Variants in PAK5 observed in about 807,000 individuals in gnomAD.
PAK5 encodes serine/threonine-protein kinase PAK 5.
A neutral mutation model predicts 65.9 loss-of-function variants in PAK5; 16 were observed. The ratio of observed to expected loss-of-function variants is 0.24; its 90% CI spans 0.16 to 0.37. PAK5 has a LOEUF of 0.37. PAK5 is among the 10% of genes least tolerant of loss of function. The pLI is 1.00. For synonymous variants in PAK5, 371 were observed against 354.9 expected, an observed-to-expected ratio of 1.05 and a Z score of -0.51; for missense variants, 785 against 903.9, an observed-to-expected ratio of 0.87 and a Z score of 1.69.
At chr20:9,792,010 AT>A (rs1219202507) in intron 1 of PAK5, among the ~76,000 whole-genome samples, 2 of 152,102 alleles carry the variant, frequency 1.3e-5, no homozygotes, top group African/African-American at 2.4e-5. Flanking sequence ...TGATCTGAGA[AT>A]TTCTGCCATA....
chr20:9,833,873 C>G (rs536217641), intron 1 of PAK5, among the ~76,000 whole-genome samples: 1 of 152,032 alleles, frequency 6.6e-6, no homozygotes, highest in Non-Finnish European at 1.5e-5. Flanking sequence ...TTATTATTCA[C>G]GAGTATTTTA....
chr20:9,697,874 T>C (rs941869071), intron 2 of PAK5, among the ~76,000 whole-genome samples: 11 of 152,088 alleles, frequency 7.2e-5, no homozygotes, highest in Non-Finnish European at 7.4e-5. Context: ...CAGTCTTGGT[T>C]TGGACAATAC....
rs1374032806 is a variant in PAK5, at chr20:9,838,050, T to C, written c.-162+712A>G. ...TGATGATCCCTGGACTTCTCAAGTTTACCCTCTAGGAGGCTGACATGGCAC... is the reference window on the plus strand; with the variant it reads ...TGATGATCCCTGGACTTCTCAAGTTCACCCTCTAGGAGGCTGACATGGCAC... On this transcript the variant is annotated intron_variant, in intron 1 of 9. Transcript: ENST00000353224. The surrounding 1 kb of genome is among the most constrained non-coding windows in gnomAD (Gnocchi z 4.5). Among the ~76,000 whole-genome samples the C allele has an allele frequency of 6.6e-6, 1 of 152,076 alleles. No individual in the cohort carries two copies. The highest frequency in any genetic ancestry group is 1.5e-5 in the Non-Finnish European group (1 of 67,996).
chr20:9,650,755 G>A (rs908978861), intron 2 of PAK5, among the ~76,000 whole-genome samples: 5 of 152,046 alleles, frequency 3.3e-5, no homozygotes, highest in East Asian at 1.9e-4. Flanking sequence ...ATACTTGTGG[G>A]GCTTATGGTC....
chr20:9,658,241 C>T (rs1021820465), intron 2 of PAK5, among the ~76,000 whole-genome samples: 1 of 152,198 alleles, frequency 6.6e-6, no homozygotes, highest in Non-Finnish European at 1.5e-5. Context: ...GCCCCAAATA[C>T]TGTGGGCTGA....
At position 9,650,719 on chromosome 20, in the gene PAK5, C is replaced by T. The variant is rs544358172; in HGVS notation, c.-11-6380G>A. 4.3e-4 allele frequency among the ~76,000 whole-genome samples: 65 copies of T among 152,132 alleles called. 1 individual carries two copies. The highest frequency in any genetic ancestry group is 5.6e-4 in the Non-Finnish European group (38 of 68,018). ...CTTCTGGAGTGCACCTTCTGCTTCCCGCCAGGACTCTAACTGGCATGTAGC... is the reference window on the plus strand; with the variant it reads ...CTTCTGGAGTGCACCTTCTGCTTCCTGCCAGGACTCTAACTGGCATGTAGC... On this transcript the variant is annotated intron_variant, in intron 2 of 9. Transcript: ENST00000353224.
chr20:9,735,712 T>G (rs1038114364), intron 1 of PAK5, among the ~76,000 whole-genome samples: 1 of 151,810 alleles, frequency 6.6e-6, no homozygotes, highest in Admixed American at 6.6e-5. Context: ...CTCAAGAATA[T>G]TGATAGGACT....
chr20:9,832,385 G>C (rs1458081502), intron 1 of PAK5, among the ~76,000 whole-genome samples: 1 of 151,946 alleles, frequency 6.6e-6, no homozygotes, highest in Non-Finnish European at 1.5e-5. Flanking sequence ...TGATTCTCTT[G>C]CCTCAGCCTC....
At position 9,831,206 on chromosome 20, in the gene PAK5, G is replaced by GGT. The variant is rs903670859; in HGVS notation, c.-162+7554_-162+7555dup. On this transcript the variant is annotated intron_variant, in intron 1 of 9. Transcript: ENST00000353224. ...CATCTGCTTCCAAGCTGTTTTGGGG[G>GGT]GTGTGTGTGTGTGTGCGCGCGTGCG... Among the ~76,000 whole-genome samples the GGT allele has an allele frequency of 1.2e-4, 18 of 151,954 alleles. No individual in the cohort carries two copies. In the South Asian group the frequency reaches 2.5e-3, roughly 21 times the overall value.
At chr20:9,694,312 G>C (rs1470680367) in intron 2 of PAK5, among the ~76,000 whole-genome samples, 1 of 31,620 alleles carries the variant, frequency 3.2e-5, no homozygotes, top group Non-Finnish European at 4.8e-5. Flanking sequence ...GTTTGTGTGT[G>C]TGTGTGTTTG....
chr20:9,830,419 AG>A (rs1160121677), intron 1 of PAK5, among the ~76,000 whole-genome samples: 1 of 152,240 alleles, frequency 6.6e-6, no homozygotes, highest in Non-Finnish European at 1.5e-5. Flanking sequence ...TTTAATATTT[AG>A]TTAATAATAA....
At chr20:9,706,031 T>C (rs2423426) in intron 2 of PAK5, among the ~76,000 whole-genome samples, 35,820 of 152,036 alleles carry the variant, frequency 0.24, 4,609 homozygotes, top group East Asian at 0.37. Flanking sequence ...AGAGCTGCTA[T>C]TCAATTGACA....
chr20:9,629,331 C>G (rs186838984), intron 3 of PAK5, among the ~76,000 whole-genome samples: 12 of 152,296 alleles, frequency 7.9e-5, no homozygotes, highest in Non-Finnish European at 1.6e-4. Context: ...AAGTGGGGAA[C>G]TGCTATAGCA....
At chr20:9,588,794 T>C (rs896279867) in intron 3 of PAK5, among the ~76,000 whole-genome samples, 37 of 152,326 alleles carry the variant, frequency 2.4e-4, no homozygotes, top group African/African-American at 8.7e-4. Flanking sequence ...TAAAAATCAA[T>C]GCAACCCAAT....
At chr20:9,572,752 C>T (rs1196525656) in intron 4 of PAK5, among the ~76,000 whole-genome samples, 1 of 152,180 alleles carries the variant, frequency 6.6e-6, no homozygotes, top group East Asian at 1.9e-4. Flanking sequence ...GCACGGAGTG[C>T]AGAGCAAGGG....
intron 3 of PAK5, among the ~76,000 whole-genome samples, chr20:9,607,113 G>A (rs955159169): frequency 1.1e-4 from 16 of 152,180 alleles, no homozygotes; most frequent in African/African-American, 1.4e-4. Flanking sequence ...AAAGAGTAAC[G>A]TTGGAGTTGA....
chr20:9,618,916 T>G (rs7267867), intron 3 of PAK5, among the ~76,000 whole-genome samples: 1 of 26,730 alleles, frequency 3.7e-5, no homozygotes, highest in African/African-American at 1.2e-4. Context: ...CTTTCTTTCG[T>G]TTTTTTTTTT....
intron 1 of PAK5, among the ~76,000 whole-genome samples, chr20:9,809,037 A>G (rs991773990): frequency 6.6e-6 from 1 of 152,108 alleles, no homozygotes; most frequent in African/African-American, 2.4e-5. Context: ...TCTTTATATT[A>G]TTCTATTTTT....
intron 2 of PAK5, among the ~76,000 whole-genome samples, chr20:9,678,752 CT>C (rs772497303): frequency 2.6e-5 from 4 of 152,058 alleles, no homozygotes; most frequent in Non-Finnish European, 4.4e-5. Context: ...GGGAAAGCCC[CT>C]TATAAAACCA....
Sources: gnomAD v4.1 joint callset for allele counts (sites outside exome capture counted in the v4.1 genomes callset) on GRCh38, gnomAD v4.1.1 for gene constraint, Gnocchi (gnomAD v3.1) non-coding constraint, MANE v1.5 for transcripts, NCBI Gene and HGNC (gene_info 2026-07-23, HGNC 2026-07-21) for gene names.